EVC: variants seen among roughly 807,000 people sequenced by gnomAD.
EVC encodes EvC ciliary complex subunit 1.
Under a neutral mutation model 118.9 loss-of-function variants are expected in EVC, and 116 were observed. The observed-to-expected ratio is 0.98, with a 90% CI of 0.84 to 1.14. The LOEUF is 1.14. EVC is among the 50% of genes most tolerant of loss of function. The pLI is 0.00. For synonymous variants in EVC, 619 were observed against 534.7 expected (o/e 1.16, Z -2.18); for missense variants, 1,401 against 1,246.4 (o/e 1.12, Z -1.87).
intron 16 of EVC, among the ~76,000 whole-genome samples, chr4:5,803,452 C>T (rs972844197): frequency 1.3e-5 from 2 of 152,186 alleles, no homozygotes; most frequent in African/African-American, 4.8e-5. Context: ...GACATGATTG[C>T]TTGCTACTGC....
chr4:5,765,177 G>A lies in EVC; in HGVS notation c.1563+8815G>A, dbSNP rs1732674341. Among the ~76,000 whole-genome samples the A allele has an allele frequency of 1.7e-5, 2 of 117,510 alleles. 1 individual carries two copies. The highest frequency in any genetic ancestry group is 3.7e-5 in the Non-Finnish European group (2 of 54,390). The allele number at this position is 117,510 out of a possible 152,430, so 77.1% of individuals were successfully genotyped here. On this transcript the variant is annotated intron_variant, in intron 11 of 20. Coordinates refer to ENST00000264956, the MANE Select transcript of EVC (RefSeq NM_153717.3). ...TGTTATGTATCCAGTAGTCATTCAGGAGCAGGTTGTTCAGTTTCCATGTAG... is the reference window on the plus strand; with the variant it reads ...TGTTATGTATCCAGTAGTCATTCAGAAGCAGGTTGTTCAGTTTCCATGTAG...
intron 11 of EVC, among the ~76,000 whole-genome samples, chr4:5,767,932 C>T (rs56370326): frequency 0.054 from 8,175 of 152,288 alleles, 288 homozygotes; most frequent in South Asian, 0.076. Context: ...CTCCCCCCAC[C>T]GGCAGCTTAG....
intron 5 of EVC, among the ~76,000 whole-genome samples, chr4:5,739,424 G>A (rs960418122): frequency 6.6e-6 from 1 of 152,160 alleles, no homozygotes; most frequent in African/African-American, 2.4e-5. Context: ...CAGGAGGCAA[G>A]TGGCCCCTGC....
Position 5,756,384 on chromosome 4 carries a change from C to G in EVC, c.1563+22C>G, listed in dbSNP as rs1354953379. On this transcript the variant is annotated intron_variant, in intron 11 of 20. Transcript: ENST00000264956. The surrounding 1 kb of genome is among the most constrained non-coding windows in gnomAD (Gnocchi z 4.2). ...CCAGGTACATGGCCTCTGTGGGGAC[C>G]AGCAGAGAAGCCCCAGGGTCTGTGT... The G allele has an allele frequency of 1.9e-6, 3 of 1,581,234 alleles. No individual in the cohort carries two copies. Among genetic ancestry groups the G allele is most frequent in the Non-Finnish European group, 1.7e-6 (2 of 1,158,354 alleles).
intron 9 of EVC, 93 bp from the exon 10 acceptor site, chr4:5,753,692 C>G: frequency 6.4e-7 from 1 of 1,551,056 alleles, no homozygotes; most frequent in Non-Finnish European, 8.9e-7. Context: ...ACACCAGCTT[C>G]CCCAACCTCC....
the EVC span, among the ~76,000 whole-genome samples, chr4:5,827,132 G>C: frequency 3.9e-5 from 6 of 152,188 alleles, no homozygotes; most frequent in Non-Finnish European, 4.4e-5. Flanking sequence ...CGATCCTATT[G>C]CTCCTGCAAA....
chr4:5,826,132 G>GCATACT, the EVC span: 4 of 172,898 alleles, frequency 2.3e-5, no homozygotes, highest in African/African-American at 7.4e-5. Flanking sequence ...TTACACACAC[G>GCATACT]CATACTCATA....
chr4:5,711,319 C>T lies in EVC; in HGVS notation c.-62C>T. On this transcript the variant is annotated 5_prime_UTR_variant, in exon 1 of 21. Transcript: ENST00000264956. ...CCGGGCTCCAAGTCCCGCGTCGCCGCCCTGGCGGGGACGGTGCAGCAGGCG... is the reference window on the plus strand; with the variant it reads ...CCGGGCTCCAAGTCCCGCGTCGCCGTCCTGGCGGGGACGGTGCAGCAGGCG... The T allele has an allele frequency of 1.0e-6, 1 of 995,916 alleles. No homozygotes were observed. Among genetic ancestry groups the T allele is most frequent in the Non-Finnish European group, 1.2e-6 (1 of 834,812 alleles). The allele number at this position is 995,916 out of a possible 1,614,324, so 61.7% of individuals were successfully genotyped here.
rs566520714 is a variant in EVC, at chr4:5,809,712, A to T, written c.2782+101A>T. 2.6e-4 allele frequency: 285 copies of T among 1,113,624 alleles called. 2 individuals carry two copies. In the South Asian group the frequency reaches 3.6e-3, roughly 14 times the overall value. The allele number at this position is 1,113,624 out of a possible 1,614,324, so 69.0% of individuals were successfully genotyped here. A position where few individuals can be genotyped will look rare whatever the true frequency, so the allele number is the denominator to read the frequency against. ...ACTAACTAGCTGTGTGACCTTAGGC[A>T]TCGTGCCTAGGCTCTCTGGGCTTTT... is the stretch of plus-strand genomic sequence containing the variant. On this transcript the variant is annotated intron_variant, in intron 19 of 20. Coordinates refer to ENST00000264956, the MANE Select transcript of EVC (RefSeq NM_153717.3).
intron 3 of EVC, among the ~76,000 whole-genome samples, chr4:5,730,392 A>T (rs527956107): frequency 5.8e-4 from 88 of 152,246 alleles, no homozygotes; most frequent in South Asian, 1.5e-3. Context: ...TTTTCCATGG[A>T]AACTTTGTGG....
At chr4:5,796,924 G>T in intron 13 of EVC, 98 bp from the exon 14 acceptor site, 4 of 918,092 alleles carry the variant, frequency 4.4e-6, no homozygotes, top group Non-Finnish European at 5.5e-6. Flanking sequence ...GCTTCCTTTT[G>T]GAGGGGCCTC....
At chr4:5,783,527 C>A in intron 11 of EVC, 25 bp from the exon 12 acceptor site, 4 of 1,612,922 alleles carry the variant, frequency 2.5e-6, no homozygotes, top group Non-Finnish European at 3.4e-6. Context: ...TGACCTGTAA[C>A]CCCATCTGTG....
At position 5,812,282 on chromosome 4, in the gene EVC, G is replaced by A. The variant is rs540389094; in HGVS notation, c.*1245G>A. The A allele has an allele frequency of 1.2e-3, 181 of 156,970 alleles. 1 individual carries two copies. Among genetic ancestry groups the A allele is most frequent in the African/African-American group, 3.8e-3 (146 of 38,344 alleles). 9.7% of individuals were successfully genotyped at this position (156,970 alleles called of 1,614,324 possible). A position where few individuals can be genotyped will look rare whatever the true frequency, so the allele number is the denominator to read the frequency against. ...GCCCCTCACACCACAGCCAGGAGAG[G>A]CCTTTCCCACCGGGAGAGAAACTTC... On this transcript the variant is annotated 3_prime_UTR_variant, in exon 21 of 21. Coordinates refer to ENST00000264956, the MANE Select transcript of EVC (RefSeq NM_153717.3).
At chr4:5,778,160 A>T (rs1006389771) in intron 11 of EVC, among the ~76,000 whole-genome samples, 19 of 151,540 alleles carry the variant, frequency 1.3e-4, no homozygotes, top group Non-Finnish European at 2.2e-4. Context: ...CCTACAAAGG[A>T]CATGAACTCA....
rs1728881268 is a variant in EVC at position 5,743,281 on chromosome 4, G to A, written c.801+1467G>A. Among the ~76,000 whole-genome samples the A allele has an allele frequency of 2.0e-5, 3 of 152,226 alleles. No individual in the cohort carries two copies. Among genetic ancestry groups the A allele is most frequent in the African/African-American group, 7.2e-5 (3 of 41,540 alleles). ...ATCCCATTTTGATCAGCAGGGTTGT[G>A]ATCAGAAAACAAGTCCTGCCAGTCT... On this transcript the variant is annotated intron_variant, in intron 6 of 20. Coordinates refer to ENST00000264956, the MANE Select transcript of EVC (RefSeq NM_153717.3). The surrounding 1 kb of genome is among the most constrained non-coding windows in gnomAD (Gnocchi z 4.7).
At chr4:5,776,804 A>C (rs1261932341) in intron 11 of EVC, among the ~76,000 whole-genome samples, 2 of 152,190 alleles carry the variant, frequency 1.3e-5, no homozygotes, top group Non-Finnish European at 2.9e-5. Context: ...CACTGAGTTT[A>C]ATATTTTTCA....
At chr4:5,761,968 T>C (rs1377072105) in intron 11 of EVC, among the ~76,000 whole-genome samples, 1 of 151,348 alleles carries the variant, frequency 6.6e-6, no homozygotes, top group African/African-American at 2.4e-5. Context: ...TAGTTACATA[T>C]GTATACCTGT....
At chr4:5,786,214 A>C (rs1711562033) in intron 12 of EVC, among the ~76,000 whole-genome samples, 1 of 152,228 alleles carries the variant, frequency 6.6e-6, no homozygotes, top group Admixed American at 6.5e-5. Flanking sequence ...CAGATAATGC[A>C]AGTTAAGACC....
At chr4:5,765,889 T>G (rs1560367934) in intron 11 of EVC, among the ~76,000 whole-genome samples, 1 of 147,484 alleles carries the variant, frequency 6.8e-6, no homozygotes, top group Non-Finnish European at 1.5e-5. Context: ...AATTGGAGCA[T>G]TTAGTCCATT....
Sources: allele counts gnomAD v4.1 joint callset (sites outside exome capture counted in the v4.1 genomes callset), GRCh38; gene constraint gnomAD v4.1.1; non-coding constraint Gnocchi (gnomAD v3.1); transcripts MANE v1.5; gene names NCBI Gene and HGNC (gene_info 2026-07-23, HGNC 2026-07-21).